ZNF362: variants seen among roughly 807,000 people sequenced by gnomAD.
ZNF362 encodes zinc finger protein 362.
In ZNF362, 11 loss-of-function variants were observed where a neutral mutation model predicts 42.9. The ratio of observed to expected loss-of-function variants is 0.26; its 90% CI spans 0.16 to 0.42. The LOEUF is 0.42. Ranked by LOEUF, ZNF362 falls within the 20% of genes least tolerant of loss-of-function variation. ZNF362 has a pLI of 1.00. For missense variants in ZNF362, 362 were observed against 576.2 expected (o/e 0.63, Z 3.81); for synonymous variants, 255 against 257.3 (o/e 0.99, Z 0.09).
the ZNF362 span, among the ~76,000 whole-genome samples, chr1:33,193,239 C>T: frequency 2.6e-5 from 4 of 152,116 alleles, no homozygotes; most frequent in Non-Finnish European, 4.4e-5. Context: ...TCACAATCTG[C>T]ATTAGTATGG....
the ZNF362 span, among the ~76,000 whole-genome samples, chr1:33,189,718 T>TATATATATATATACAC: frequency 1.6e-5 from 2 of 125,808 alleles, no homozygotes; most frequent in African/African-American, 6.4e-5. Context: ...CGTATATATA[T>TATATATATATATACAC]ACATACACAC....
At chr1:33,177,050 C>CAT in the ZNF362 span, among the ~76,000 whole-genome samples, 108,945 of 146,994 alleles carry the variant, frequency 0.74, 39,408 homozygotes, top group African/African-American at 0.75. This position sits in a 1 kb window ranked among gnomAD's most constrained non-coding sequence, Gnocchi z 4.1. Flanking sequence ...CACACACACA[C>CAT]GCACACACAC....
At chr1:33,159,001 C>A in the ZNF362 span, among the ~76,000 whole-genome samples, 1 of 151,990 alleles carries the variant, frequency 6.6e-6, no homozygotes, top group African/African-American at 2.4e-5. The surrounding 1 kb of genome is among the most constrained non-coding windows in gnomAD (Gnocchi z 4.2). Context: ...CCACCACGCC[C>A]GGCTAATTTT....
chr1:33,274,769 G>A (rs1645930330), intron 2 of ZNF362: 2 of 197,576 alleles, frequency 1.0e-5, no homozygotes, highest in East Asian at 1.9e-4. Flanking sequence ...CTGATTTCTA[G>A]TTTTGACTGT....
chr1:33,217,738 A>G, the ZNF362 span, among the ~76,000 whole-genome samples: 1 of 152,170 alleles, frequency 6.6e-6, no homozygotes, highest in African/African-American at 2.4e-5. Context: ...GGTAGCCACC[A>G]TTAAGATTTT....
chr1:33,290,676 A>C (rs977805814), intron 6 of ZNF362, among the ~76,000 whole-genome samples: 9 of 151,590 alleles, frequency 5.9e-5, no homozygotes, highest in African/African-American at 2.2e-4. Flanking sequence ...TTACAGTCCC[A>C]CCAACAGTGT....
the ZNF362 span, among the ~76,000 whole-genome samples, chr1:33,155,389 T>G: frequency 1.3e-5 from 2 of 152,070 alleles, no homozygotes; most frequent in Admixed American, 1.3e-4. Context: ...CTCTTGAACG[T>G]GCCTTGAGGG....
At chr1:33,278,344 T>C (rs914327954) in intron 4 of ZNF362, among the ~76,000 whole-genome samples, 1 of 152,210 alleles carries the variant, frequency 6.6e-6, no homozygotes, top group African/African-American at 2.4e-5. Context: ...CATAAACATA[T>C]ATGTTCCACT....
chr1:33,155,333 AG>A, the ZNF362 span, among the ~76,000 whole-genome samples: 1 of 151,894 alleles, frequency 6.6e-6, no homozygotes, highest in Non-Finnish European at 1.5e-5. Context: ...TGCCTCCCAA[AG>A]TGCTGGAATT....
chr1:33,227,609 T>C, the ZNF362 span, among the ~76,000 whole-genome samples: 2 of 152,164 alleles, frequency 1.3e-5, no homozygotes, highest in African/African-American at 4.8e-5. Flanking sequence ...GAGGTAGAGA[T>C]AAACCATTCC....
chr1:33,269,777 A>T (rs1645888879), intron 1 of ZNF362, among the ~76,000 whole-genome samples: 1 of 151,888 alleles, frequency 6.6e-6, no homozygotes, highest in South Asian at 2.1e-4. Context: ...GCTTTACTGA[A>T]CCCTTCTGCC....
chr1:33,237,250 C>A, the ZNF362 span, among the ~76,000 whole-genome samples: 1 of 152,180 alleles, frequency 6.6e-6, no homozygotes, highest in African/African-American at 2.4e-5. Context: ...AAAATATTAT[C>A]TGTTAAGAGC....
rs1646148778 is a variant in ZNF362 at position 33,299,337 on chromosome 1, T to G, written c.*291T>G. 1.9e-5 allele frequency: 5 copies of G among 266,068 alleles called. No homozygotes were observed. The Admixed American group carries it at 2.0e-4, about 11-fold the overall frequency. 16.5% of individuals were successfully genotyped at this position (266,068 alleles called of 1,614,324 possible). On this transcript the variant is annotated 3_prime_UTR_variant, in exon 9 of 9. Coordinates refer to ENST00000539719, the MANE Select transcript of ZNF362 (RefSeq NM_152493.3). ...CCCACCCTTCACTTGCTTCACTGTT[T>G]TTTTTTTTTTCGTTTTTTTTTTTTA...
chr1:33,144,955 T>C, the ZNF362 span, among the ~76,000 whole-genome samples: 2 of 152,210 alleles, frequency 1.3e-5, no homozygotes, highest in Non-Finnish European at 2.9e-5. Context: ...CAATAAATTA[T>C]GTGAAATTGG....
At chr1:33,210,813 G>A in the ZNF362 span, among the ~76,000 whole-genome samples, 1 of 151,946 alleles carries the variant, frequency 6.6e-6, no homozygotes, top group Admixed American at 6.6e-5. Flanking sequence ...TTGAGCCTAT[G>A]TGTGTCTTTG....
At chr1:33,224,376 A>G in the ZNF362 span, among the ~76,000 whole-genome samples, 1 of 152,246 alleles carries the variant, frequency 6.6e-6, no homozygotes, top group South Asian at 2.1e-4. Context: ...AAATAGATCA[A>G]ATTTCCAGAC....
the ZNF362 span, among the ~76,000 whole-genome samples, chr1:33,157,236 T>C: frequency 1.3e-5 from 2 of 152,124 alleles, no homozygotes; most frequent in Non-Finnish European, 2.9e-5. Flanking sequence ...TCCTTCTCAC[T>C]CATCTCCCTC....
the ZNF362 span, among the ~76,000 whole-genome samples, chr1:33,245,816 T>C: frequency 6.6e-6 from 1 of 152,314 alleles, no homozygotes; most frequent in South Asian, 2.1e-4. Flanking sequence ...GGCATGTGCC[T>C]GTAGTCCTAG....
the ZNF362 span, among the ~76,000 whole-genome samples, chr1:33,180,249 C>G: frequency 6.6e-6 from 1 of 152,138 alleles, no homozygotes. Flanking sequence ...AGAGGTCTAG[C>G]CCCTCCCTTC....
Sources: gnomAD v4.1 joint callset for allele counts (sites outside exome capture counted in the v4.1 genomes callset) on GRCh38, gnomAD v4.1.1 for gene constraint, Gnocchi (gnomAD v3.1) non-coding constraint, MANE v1.5 for transcripts, NCBI Gene and HGNC (gene_info 2026-07-23, HGNC 2026-07-21) for gene names.